Variants in NECTIN1 observed in about 807,000 individuals in gnomAD.
NECTIN1 encodes nectin-1.
A neutral mutation model predicts 48.0 loss-of-function variants in NECTIN1; 23 were observed. That is an observed-to-expected ratio of 0.48 (90% CI 0.34 to 0.68). NECTIN1 has a LOEUF of 0.68. NECTIN1 is among the 30% of genes least tolerant of loss of function. The pLI is 0.01. For synonymous variants in NECTIN1, 270 were observed against 288.9 expected (o/e 0.93, Z 0.66); for missense variants, 591 against 709.9 (o/e 0.83, Z 1.90).
At chr11:119,645,564 C>T (rs972520029) in intron 5 of NECTIN1, among the ~76,000 whole-genome samples, 7 of 152,210 alleles carry the variant, frequency 4.6e-5, no homozygotes, top group Middle Eastern at 3.2e-3. Flanking sequence ...ACTCCTGTAG[C>T]GTCAGCATCC....
At chr11:119,721,763 C>T (rs1660660694) in intron 1 of NECTIN1, among the ~76,000 whole-genome samples, 2 of 152,230 alleles carry the variant, frequency 1.3e-5, no homozygotes, top group Non-Finnish European at 1.5e-5. Context: ...CCTCAGGGGC[C>T]CTGCCCATGT....
intron 1 of NECTIN1, among the ~76,000 whole-genome samples, chr11:119,724,932 G>GT (rs1000073825): frequency 3.1e-4 from 47 of 151,896 alleles, no homozygotes; most frequent in African/African-American, 5.6e-4. Context: ...TTTGTTTTTT[G>GT]TTTTTTTTAA....
chr11:119,647,160 CATGTGTGTGTGTGTGT>C (rs1450564065), intron 5 of NECTIN1, among the ~76,000 whole-genome samples: 981 of 71,348 alleles, frequency 0.014, 14 homozygotes, highest in African/African-American at 0.041. Context: ...GCTTGCGGCG[CATGTGTGTGTGTGTGT>C]GTGTGTGTGT....
At chr11:119,702,848 C>T (rs1198584995) in intron 1 of NECTIN1, among the ~76,000 whole-genome samples, 1 of 152,212 alleles carries the variant, frequency 6.6e-6, no homozygotes, top group African/African-American at 2.4e-5. Flanking sequence ...GATGCAGGGC[C>T]TTCCCAGGGT....
rs746569471 is a variant in NECTIN1 at position 119,678,743 on chromosome 11, C to T, written c.102G>A (p.Gln34=). Residue 34 remains glutamine (Q), a synonymous_variant, in exon 2 of 6, where the codon CAG becomes CAA. Transcript: ENST00000264025. This position sits in a 1 kb window ranked among gnomAD's most constrained non-coding sequence, Gnocchi z 4.4. ...TGAAGCCATACATGGAGTCGTTCACCTGGACCACCTGGGAGTGGACGCCTG... is the reference window on the plus strand; with the variant it reads ...TGAAGCCATACATGGAGTCGTTCACTTGGACCACCTGGGAGTGGACGCCTG... ...FLPGVHSQVV[Q]VNDSMYGFIG... The T allele has an allele frequency of 1.2e-6, 2 of 1,611,292 alleles. No homozygotes were observed. The highest frequency in any genetic ancestry group is 1.7e-6 in the Non-Finnish European group (2 of 1,178,824).
intron 1 of NECTIN1, among the ~76,000 whole-genome samples, chr11:119,681,355 G>T (rs1213833905): frequency 6.6e-6 from 1 of 152,224 alleles, no homozygotes; most frequent in Non-Finnish European, 1.5e-5. Flanking sequence ...GGATCCAGGA[G>T]CCATTTTGGG....
At chr11:119,648,177 G>A (rs1296675017) in intron 5 of NECTIN1, among the ~76,000 whole-genome samples, 1 of 146,162 alleles carries the variant, frequency 6.8e-6, no homozygotes, top group Admixed American at 7.0e-5. Flanking sequence ...GGGTCAGGGT[G>A]GGGTGATGGT....
Position 119,662,271 on chromosome 11 carries a change from C to A in NECTIN1, c.*2476G>T, listed in dbSNP as rs1366318784. On this transcript the variant is annotated 3_prime_UTR_variant, in exon 6 of 6. Coordinates refer to ENST00000264025, the MANE Select transcript of NECTIN1 (RefSeq NM_002855.5). This position sits in a 1 kb window ranked among gnomAD's most constrained non-coding sequence, Gnocchi z 5.3. ...TGTGTCTGTGGGCCCAGCAGTAGTG[C>A]CCACCTTCCCACAAACTTGGGGCAC... 8 of 985,554 alleles carry A rather than the reference C, an allele frequency of 8.1e-6. No homozygotes were observed. The highest frequency in any genetic ancestry group is 8.4e-6 in the Non-Finnish European group (7 of 829,958). 61.1% of individuals were successfully genotyped at this position (985,554 alleles called of 1,614,324 possible).
chr11:119,692,942 C>T (rs1865284341), intron 1 of NECTIN1, among the ~76,000 whole-genome samples: 1 of 152,180 alleles, frequency 6.6e-6, no homozygotes, highest in Non-Finnish European at 1.5e-5. Context: ...GCAGTGCTGG[C>T]CTGAGGCTGA....
At position 119,665,636 on chromosome 11, in the gene NECTIN1, G is replaced by A. The variant is rs1193973908; in HGVS notation, c.1004-339C>T. ...GACACGTGTGCCAGTTCCAGCTGCA[G>A]CACACTGCCCACTCCATGCCATTCA... On this transcript the variant is annotated intron_variant, in intron 5 of 5. Coordinates refer to ENST00000264025, the MANE Select transcript of NECTIN1 (RefSeq NM_002855.5). The surrounding 1 kb of genome is among the most constrained non-coding windows in gnomAD (Gnocchi z 5.1). Among the ~76,000 whole-genome samples the A allele has an allele frequency of 6.6e-6, 1 of 152,130 alleles. No individual in the cohort carries two copies. Among genetic ancestry groups the A allele is most frequent in the Non-Finnish European group, 1.5e-5 (1 of 68,016 alleles).
At chr11:119,638,404 C>T (rs1216954245) in intron 7 of NECTIN1, among the ~76,000 whole-genome samples, 1 of 152,222 alleles carries the variant, frequency 6.6e-6, no homozygotes, top group East Asian at 1.9e-4. Context: ...CACAAGTGCA[C>T]CCTGAGCCTT....
At chr11:119,724,117 A>G (rs913191341) in intron 1 of NECTIN1, among the ~76,000 whole-genome samples, 1 of 152,160 alleles carries the variant, frequency 6.6e-6, no homozygotes, top group African/African-American at 2.4e-5. Context: ...ACCAAAGCTC[A>G]TGCTCACACC....
intron 1 of NECTIN1, among the ~76,000 whole-genome samples, chr11:119,689,289 T>G (rs1339202759): frequency 6.6e-6 from 1 of 152,214 alleles, no homozygotes; most frequent in Non-Finnish European, 1.5e-5. Context: ...GATTGCAGAC[T>G]TGCAGGTGGT....
At chr11:119,686,941 G>C (rs1259782141) in intron 1 of NECTIN1, among the ~76,000 whole-genome samples, 39 of 152,320 alleles carry the variant, frequency 2.6e-4, no homozygotes, top group Middle Eastern at 6.8e-3. Context: ...CCAAGTGGCA[G>C]GTGGAAAAGG....
chr11:119,656,619 C>T (rs971885867), downstream of NECTIN1, among the ~76,000 whole-genome samples: 4 of 152,072 alleles, frequency 2.6e-5, no homozygotes, highest in African/African-American at 4.8e-5. Context: ...GCTGGGGGAC[C>T]CTGGCCAGCT....
At chr11:119,668,106 A>G (rs750045467) in intron 5 of NECTIN1, among the ~76,000 whole-genome samples, 16 of 152,144 alleles carry the variant, frequency 1.1e-4, no homozygotes, top group Non-Finnish European at 2.2e-4. Context: ...AGGTGGACAC[A>G]TTAGAAAAAC....
rs1049886554 is a variant in NECTIN1 at position 119,665,238 on chromosome 11, C to A, written c.1063G>T (p.Ala355Ser). ...CTCCCCGCCACGCCCCCAATGATGG[C>A]CGTGGGCACCGGCCCGGCGCGCCGC... Reference protein sequence around the residue: ...HGRRAGPVPTAIIGGVAGSIL... With the variant: ...HGRRAGPVPTSIIGGVAGSIL... Residue 355 changes from alanine (A) to serine (S), a missense_variant, in exon 6 of 6, where the codon GCC becomes TCC. By Grantham distance (99) the Ala-to-Ser change is moderately conservative (BLOSUM62 1). Transcript: ENST00000264025. The surrounding 1 kb of genome is among the most constrained non-coding windows in gnomAD (Gnocchi z 5.1). 6 of 1,601,000 alleles carry A rather than the reference C, an allele frequency of 3.7e-6. No individual in the cohort carries two copies. The highest frequency in any genetic ancestry group is 5.1e-6 in the Non-Finnish European group (6 of 1,178,044).
chr11:119,698,400 TG>T (rs1279914307), intron 1 of NECTIN1, among the ~76,000 whole-genome samples: 2 of 152,260 alleles, frequency 1.3e-5, no homozygotes, highest in African/African-American at 4.8e-5. Context: ...CATTTCCCCC[TG>T]GGAAACTGCT....
At chr11:119,726,965 C>T (rs1865917349) in intron 1 of NECTIN1, among the ~76,000 whole-genome samples, 1 of 152,176 alleles carries the variant, frequency 6.6e-6, no homozygotes, top group African/African-American at 2.4e-5. Flanking sequence ...ACCAAGACCA[C>T]CCTCTGGGGG....
Sources: gnomAD v4.1 joint callset for allele counts (sites outside exome capture counted in the v4.1 genomes callset) on GRCh38, gnomAD v4.1.1 for gene constraint, Gnocchi (gnomAD v3.1) non-coding constraint, MANE v1.5 for transcripts, NCBI Gene and HGNC (gene_info 2026-07-23, HGNC 2026-07-21) for gene names.